The following C10orf90 variants were observed in gnomAD, a reference collection of about 807,000 sequenced individuals.
The protein encoded by C10orf90 is (E2-independent) E3 ubiquitin-conjugating enzyme FATS.
A neutral mutation model predicts 62.5 loss-of-function variants in C10orf90; 56 were observed. The ratio of observed to expected loss-of-function variants is 0.90; its 90% CI spans 0.72 to 1.12. The LOEUF is 1.12. Ranked by LOEUF, C10orf90 falls within the 50% of genes most tolerant of loss-of-function variation. The pLI is 0.00. For synonymous variants in C10orf90, 386 were observed against 340.4 expected (o/e 1.13, Z -1.47); for missense variants, 970 against 880.4 (o/e 1.10, Z -1.29).
At chr10:126,606,297 A>G (rs189478862) in intron 2 of C10orf90, among the ~76,000 whole-genome samples, 3 of 152,336 alleles carry the variant, frequency 2.0e-5, no homozygotes, top group Non-Finnish European at 4.4e-5. Context: ...CAGTATGATA[A>G]ATGATTTGGG....
chr10:126,565,410 T>C (rs11245045), intron 2 of C10orf90, among the ~76,000 whole-genome samples: 1 of 13,922 alleles, frequency 7.2e-5, no homozygotes, highest in African/African-American at 2.0e-4. Context: ...TTATATATAA[T>C]ATATATTATA....
chr10:126,637,866 C>T (rs1845982851), intron 2 of C10orf90, among the ~76,000 whole-genome samples: 1 of 152,144 alleles, frequency 6.6e-6, no homozygotes, highest in South Asian at 2.1e-4. Flanking sequence ...GTGGTCCGAG[C>T]AGGTCATTCT....
chr10:126,502,620 A>G (rs142323637), intron 4 of C10orf90: 2 of 282,166 alleles, frequency 7.1e-6, no homozygotes, highest in East Asian at 1.0e-4. Flanking sequence ...GAAAAGTACT[A>G]TAAATCCAAA....
chr10:126,642,268 C>T (rs1846073686), intron 2 of C10orf90, among the ~76,000 whole-genome samples: 1 of 152,182 alleles, frequency 6.6e-6, no homozygotes, highest in Non-Finnish European at 1.5e-5. Context: ...TGCGGTGGCT[C>T]ACGCTTGTAA....
At chr10:126,532,702 TGGC>T (rs1864127260) in intron 2 of C10orf90, among the ~76,000 whole-genome samples, 1 of 150,170 alleles carries the variant, frequency 6.7e-6, no homozygotes, top group Admixed American at 6.6e-5. Flanking sequence ...CCGGGCATGG[TGGC>T]GGGTGCCTGT....
chr10:126,619,267 C>A (rs774024315), intron 2 of C10orf90, among the ~76,000 whole-genome samples: 1 of 152,144 alleles, frequency 6.6e-6, no homozygotes, highest in Non-Finnish European at 1.5e-5. Context: ...GTCTTATGCA[C>A]GCCCTCCAGG....
In C10orf90 at chr10:126,515,765, G is replaced by A. The variant is rs950897211; in HGVS notation, c.314-1826C>T. 7.9e-5 allele frequency among the ~76,000 whole-genome samples: 12 copies of A among 152,250 alleles called. No individual in the cohort carries two copies. The South Asian group carries it at 8.3e-4, about 11-fold the overall frequency. ...TTGCAAAAGGGTCAGGACATGGCTTGAGGGAATTTCAAGGGCCACCATTGA... is the reference window on the plus strand; with the variant it reads ...TTGCAAAAGGGTCAGGACATGGCTTAAGGGAATTTCAAGGGCCACCATTGA... On this transcript the variant is annotated intron_variant, in intron 2 of 9. Coordinates refer to ENST00000488181, the MANE Select transcript of C10orf90 (RefSeq NM_001350921.2).
chr10:126,635,210 G>C (rs1201745841), intron 2 of C10orf90, among the ~76,000 whole-genome samples: 1 of 152,192 alleles, frequency 6.6e-6, no homozygotes, highest in East Asian at 1.9e-4. Flanking sequence ...GAAACTAGAA[G>C]CTGAGGGTCA....
rs1042819059 is a variant in C10orf90, at chr10:126,504,810, A to G, written c.681T>C (p.Cys227=). Residue 227 remains cysteine, a synonymous_variant, in exon 4 of 10, where the codon TGT becomes TGC. Transcript: ENST00000488181. The surrounding 1 kb of genome is among the most constrained non-coding windows in gnomAD (Gnocchi z 4.1). ...ATGCAAACCCTCTGCGGGGGCCCCCACAGGGTCTCTCCTCTTTGGGCGGCA... is the reference window on the plus strand; with the variant it reads ...ATGCAAACCCTCTGCGGGGGCCCCCGCAGGGTCTCTCCTCTTTGGGCGGCA... ...AELPPKEERP[C]GGPRRGFASI... 3 of 1,592,090 alleles carry G rather than the reference A, an allele frequency of 1.9e-6. No homozygotes were observed. Among genetic ancestry groups the G allele is most frequent in the Non-Finnish European group, 1.7e-6 (2 of 1,168,204 alleles).
intron 6 of C10orf90, 68 bp downstream of exon 6, chr10:126,461,333 G>GCTCAC: frequency 6.4e-7 from 1 of 1,551,832 alleles, no homozygotes; most frequent in Non-Finnish European, 8.7e-7. Flanking sequence ...GAGGTTGTGT[G>GCTCAC]CTCACGGACT....
At chr10:126,434,208 A>G (rs1857765764) in intron 7 of C10orf90, among the ~76,000 whole-genome samples, 1 of 152,140 alleles carries the variant, frequency 6.6e-6, no homozygotes, top group African/African-American at 2.4e-5. Flanking sequence ...ATTAATCTCT[A>G]TAAACACATG....
intron 2 of C10orf90, among the ~76,000 whole-genome samples, chr10:126,529,348 A>T: frequency 6.6e-6 from 1 of 152,314 alleles, no homozygotes; most frequent in Non-Finnish European, 1.5e-5. Context: ...GACAAACACC[A>T]TTAAATAAAA....
chr10:126,630,193 T>C (rs1845824990), intron 2 of C10orf90, among the ~76,000 whole-genome samples: 1 of 152,214 alleles, frequency 6.6e-6, no homozygotes, highest in African/African-American at 2.4e-5. Context: ...GCTGGATATC[T>C]TAAATCCCTG....
At chr10:126,640,422 A>G (rs17155087) in intron 2 of C10orf90, among the ~76,000 whole-genome samples, 8,956 of 152,342 alleles carry the variant, frequency 0.059, 302 homozygotes, top group Middle Eastern at 0.13. Context: ...AATGGCTCCA[A>G]TAGCTTCTTC....
intron 1 of C10orf90, among the ~76,000 whole-genome samples, chr10:126,661,670 CTTT>C: frequency 1.4e-5 from 2 of 144,804 alleles, no homozygotes; most frequent in Admixed American, 1.4e-4. Flanking sequence ...CTCTCTCTCT[CTTT>C]TTTTTTTTTT....
rs139190110 is a variant in C10orf90, at chr10:126,658,934, G to A, written c.240+11307C>T. On this transcript the variant is annotated intron_variant, in intron 1 of 9. Transcript: ENST00000488181. ...AACAAGGGAATCAGATTTTCATTTC[G>A]CAAGCTTCCTCCAGATTGCAGAGGC... Among the ~76,000 whole-genome samples the A allele has an allele frequency of 1.4e-4, 22 of 152,204 alleles. No homozygotes were observed. The Middle Eastern group carries it at 0.01, about 71-fold the overall frequency.
intron 2 of C10orf90, among the ~76,000 whole-genome samples, chr10:126,526,946 C>T (rs1003800441): frequency 6.6e-5 from 10 of 152,190 alleles, no homozygotes; most frequent in Admixed American, 5.2e-4. Flanking sequence ...AGGTAGACCA[C>T]CTATGTTGCA....
At chr10:126,500,108 T>C (rs761694984) in intron 4 of C10orf90, among the ~76,000 whole-genome samples, 1 of 152,238 alleles carries the variant, frequency 6.6e-6, no homozygotes, top group Non-Finnish European at 1.5e-5. Context: ...TATGGCTTAT[T>C]ACATTTTTTC....
intron 2 of C10orf90, among the ~76,000 whole-genome samples, chr10:126,562,880 C>T (rs528171739): frequency 9.2e-5 from 14 of 152,338 alleles, no homozygotes; most frequent in Admixed American, 5.9e-4. Flanking sequence ...TCGCACACAG[C>T]GCAGAGACCA....
Sources: gnomAD v4.1 joint callset for allele counts (sites outside exome capture counted in the v4.1 genomes callset) on GRCh38, gnomAD v4.1.1 for gene constraint, Gnocchi (gnomAD v3.1) non-coding constraint, MANE v1.5 for transcripts, NCBI Gene and HGNC (gene_info 2026-07-23, HGNC 2026-07-21) for gene names.